The following WWOX variants were observed in gnomAD, a reference collection of about 807,000 sequenced individuals.
WWOX encodes the protein WW domain-containing oxidoreductase.
In WWOX, 69 loss-of-function variants were observed where a neutral mutation model predicts 46.2. That is an observed-to-expected ratio of 1.49 (90% CI 1.23 to 1.82). The LOEUF is 1.82. Ranked by LOEUF, WWOX falls within the 40% of genes most tolerant of loss-of-function variation. The pLI is 0.00. For synonymous variants in WWOX, 359 were observed against 202.6 expected (o/e 1.77, Z -6.56); for missense variants, 919 against 542.6 (o/e 1.69, Z -6.89).
intron 5 of WWOX, among the ~76,000 whole-genome samples, chr16:78,304,389 T>G (rs1280496526): frequency 1.3e-5 from 2 of 152,226 alleles, no homozygotes; most frequent in East Asian, 3.9e-4. Context: ...TTTCCCCACT[T>G]TTTCCAGCCA....
intron 8 of WWOX, among the ~76,000 whole-genome samples, chr16:78,916,329 T>C (rs2045251222): frequency 6.6e-6 from 1 of 152,168 alleles, no homozygotes; most frequent in Non-Finnish European, 1.5e-5. Flanking sequence ...GATAAAACAA[T>C]AATACCATGC....
intron 8 of WWOX, chr16:78,892,005 T>C (rs942698158): frequency 9.2e-5 from 14 of 152,148 alleles, no homozygotes; most frequent in African/African-American, 3.4e-4. Context: ...CTGTCAGTAA[T>C]AGTGTTTTAA....
intron 3 of WWOX, among the ~76,000 whole-genome samples, chr16:78,113,917 TTAAAC>T (rs947059093): frequency 1.4e-4 from 22 of 152,262 alleles, no homozygotes; most frequent in Non-Finnish European, 2.4e-4. Context: ...AGTATATATT[TTAAAC>T]TAATTTTACA....
chr16:78,123,149 TGTC>T (rs757320902), intron 4 of WWOX: 5 of 152,122 alleles, frequency 3.3e-5, no homozygotes, highest in Non-Finnish European at 7.3e-5. Context: ...CTGTTACTAG[TGTC>T]GTGTTTGTTT....
rs1117910 is a variant in WWOX, at chr16:79,169,184, A to G, written c.1057-42424A>G. Reference sequence around the variant, plus strand: ...ACCAAGACTTGAAACATTAAATAACATGTCCAAAGTCTCCCATTTCAGAGA... The same window carrying G: ...ACCAAGACTTGAAACATTAAATAACGTGTCCAAAGTCTCCCATTTCAGAGA... On this transcript the variant is annotated intron_variant, in intron 8 of 8. Transcript: ENST00000566780. 8.1e-3 allele frequency among the ~76,000 whole-genome samples: 1,236 copies of G among 152,334 alleles called. 16 individuals are homozygous for G. Among genetic ancestry groups the G allele is most frequent in the African/African-American group, 0.028 (1,155 of 41,576 alleles).
intron 8 of WWOX, chr16:78,691,177 T>A (rs1304227771): frequency 1.4e-6 from 1 of 698,190 alleles, no homozygotes; most frequent in Non-Finnish European, 2.6e-6. Flanking sequence ...GTTTGTGCGA[T>A]AAGAGAATAG....
chr16:78,636,728 A>G (rs1273828817), intron 8 of WWOX, among the ~76,000 whole-genome samples: 1 of 152,200 alleles, frequency 6.6e-6, no homozygotes, highest in African/African-American at 2.4e-5. Flanking sequence ...TAGCTCAGCA[A>G]GTAAGAATGG....
intron 8 of WWOX, among the ~76,000 whole-genome samples, chr16:79,019,451 A>T (rs1222352996): frequency 6.6e-6 from 1 of 152,154 alleles, no homozygotes; most frequent in Non-Finnish European, 1.5e-5. Flanking sequence ...ATCTCAACAT[A>T]TCTAAACATA....
chr16:78,401,526 T>TG (rs1443910068), intron 6 of WWOX, among the ~76,000 whole-genome samples: 3 of 152,096 alleles, frequency 2.0e-5, no homozygotes, highest in African/African-American at 4.8e-5. Context: ...CTTGGTATTG[T>TG]GGGAGTATAT....
chr16:78,133,213 C>T (rs368336370), intron 4 of WWOX, among the ~76,000 whole-genome samples: 6 of 152,156 alleles, frequency 3.9e-5, no homozygotes, highest in East Asian at 1.9e-4. Flanking sequence ...AAACCTTATC[C>T]GCGTGTTATG....
intron 5 of WWOX, among the ~76,000 whole-genome samples, chr16:78,373,192 AG>A (rs1415337245): frequency 1.3e-5 from 2 of 152,152 alleles, no homozygotes; most frequent in Non-Finnish European, 2.9e-5. Context: ...CTAGAGCTTC[AG>A]ACTCAATAGG....
At chr16:78,755,954 C>G (rs2049635896) in intron 8 of WWOX, among the ~76,000 whole-genome samples, 1 of 152,154 alleles carries the variant, frequency 6.6e-6, no homozygotes, top group Admixed American at 6.5e-5. Flanking sequence ...AGACAGTTTT[C>G]TGGCAAATCA....
chr16:78,389,326 C>T (rs1337030830), intron 6 of WWOX, among the ~76,000 whole-genome samples: 1 of 152,194 alleles, frequency 6.6e-6, no homozygotes, highest in Non-Finnish European at 1.5e-5. Context: ...AGGAGCACCT[C>T]TAAAGCCCCA....
chr16:78,657,942 C>G (rs2047118624), intron 8 of WWOX, among the ~76,000 whole-genome samples: 1 of 152,010 alleles, frequency 6.6e-6, no homozygotes, highest in South Asian at 2.1e-4. Context: ...TACTTTTGTT[C>G]TCACCTTGGG....
chr16:79,192,220 T>C (rs985014871), intron 8 of WWOX, among the ~76,000 whole-genome samples: 1 of 152,230 alleles, frequency 6.6e-6, no homozygotes, highest in Non-Finnish European at 1.5e-5. Context: ...GGGTAAGCAC[T>C]GTGAGTCATT....
intron 8 of WWOX, among the ~76,000 whole-genome samples, chr16:79,072,885 G>C (rs2048577936): frequency 6.6e-6 from 1 of 152,120 alleles, no homozygotes; most frequent in Non-Finnish European, 1.5e-5. Context: ...CTGAATTTGG[G>C]CTGAGATGAT....
In WWOX at chr16:78,631,748, A is replaced by G. The variant is rs186235280; in HGVS notation, c.1056+198996A>G. ...AACATGTTGCCAAGGCTAGTCTCTA[A>G]CTCCTGGGCTCAAGCAATCTGCTCA... On this transcript the variant is annotated intron_variant, in intron 8 of 8. Transcript: ENST00000566780. Among the ~76,000 whole-genome samples, 353 of 151,946 alleles carry G rather than the reference A, an allele frequency of 2.3e-3. 6 individuals carry two copies. Among genetic ancestry groups the G allele is most frequent in the Middle Eastern group, 0.014 (4 of 294 alleles).
chr16:79,135,421 C>T (rs1166233586), intron 8 of WWOX, among the ~76,000 whole-genome samples: 1 of 152,040 alleles, frequency 6.6e-6, no homozygotes, highest in East Asian at 1.9e-4. Flanking sequence ...CTGTCTTCAC[C>T]ATCATTTACT....
intron 8 of WWOX, among the ~76,000 whole-genome samples, chr16:78,645,047 G>T (rs772820203): frequency 1.3e-5 from 2 of 152,136 alleles, no homozygotes; most frequent in Non-Finnish European, 2.9e-5. Flanking sequence ...CAAAAGTTGG[G>T]TTGCATTGCA....
Sources: allele counts gnomAD v4.1 joint callset (sites outside exome capture counted in the v4.1 genomes callset), GRCh38; gene constraint gnomAD v4.1.1; transcripts MANE v1.5; gene names NCBI Gene and HGNC (gene_info 2026-07-23, HGNC 2026-07-21).